The following DYNC2I1 variants were observed in gnomAD, a reference collection of about 807,000 sequenced individuals.
DYNC2I1 encodes dynein 2 intermediate chain 1.
In DYNC2I1, 89 loss-of-function variants were observed where a neutral mutation model predicts 133.4. The observed-to-expected ratio is 0.67, with a 90% confidence interval of 0.56 to 0.80. The LOEUF is 0.80. Among genes scored for constraint, DYNC2I1 ranks in the 30% least tolerant of loss-of-function variants. The probability of loss-of-function intolerance (pLI) is 0.00; values close to 1 mark genes in which losing one functional copy is unlikely to be tolerated. For synonymous variants in DYNC2I1, 504 were observed against 484.3 expected (o/e 1.04, Z -0.54); for missense variants, 1,291 against 1,314.5 (o/e 0.98, Z 0.28).
At chr7:158,946,928 C>T (rs533590088), downstream of DYNC2I1, among the ~76,000 whole-genome samples, 9 of 152,288 alleles carry the variant, frequency 5.9e-5, no homozygotes, top group South Asian at 6.2e-4. Context: ...CCCACCAGAC[C>T]GGCTGTGACG....
chr7:158,937,936 GA>G (rs1009149321), intron 23 of DYNC2I1, among the ~76,000 whole-genome samples: 15 of 151,290 alleles, frequency 9.9e-5, no homozygotes, highest in African/African-American at 3.6e-4. Flanking sequence ...AATCAGAGGA[GA>G]AAAAAGAACA....
chr7:158,893,000 C>G (rs1268118995), intron 8 of DYNC2I1, among the ~76,000 whole-genome samples: 1 of 151,904 alleles, frequency 6.6e-6, no homozygotes, highest in South Asian at 2.1e-4. Flanking sequence ...CCCTCGCCCC[C>G]ACACATGAAT....
chr7:158,870,116 T>C (rs894095997), intron 2 of DYNC2I1, among the ~76,000 whole-genome samples: 1 of 152,216 alleles, frequency 6.6e-6, no homozygotes, highest in African/African-American at 2.4e-5. Flanking sequence ...CTCGTGGGGC[T>C]CTGCCATGGC....
At chr7:158,847,837 T>A in the DYNC2I1 span, among the ~76,000 whole-genome samples, 1 of 152,072 alleles carries the variant, frequency 6.6e-6, no homozygotes. Context: ...AAGAAGACAG[T>A]CAGTGTGGGG....
chr7:158,856,867 G>A, intron 1 of DYNC2I1, 117 bp downstream of exon 1: 1 of 1,169,954 alleles, frequency 8.5e-7, no homozygotes, highest in Non-Finnish European at 1.1e-6. Flanking sequence ...GGCCGGGCCG[G>A]GGCTTCCCGG....
intron 3 of DYNC2I1, among the ~76,000 whole-genome samples, chr7:158,874,202 CTAAT>C (rs1419316804): frequency 6.6e-6 from 1 of 150,400 alleles, no homozygotes; most frequent in African/African-American, 2.5e-5. Flanking sequence ...TGCACTTGGC[CTAAT>C]TAATTTTTTT....
intron 3 of DYNC2I1, among the ~76,000 whole-genome samples, chr7:158,873,849 C>T (rs1045629948): frequency 2.6e-5 from 4 of 151,864 alleles, no homozygotes; most frequent in Admixed American, 6.6e-5. Context: ...CTCCGCCTCC[C>T]TGGTTCAAGT....
chr7:158,896,875 T>C (rs2129483023), intron 8 of DYNC2I1, among the ~76,000 whole-genome samples: 1 of 152,204 alleles, frequency 6.6e-6, no homozygotes, highest in Non-Finnish European at 1.5e-5. Context: ...AGTTTTTTTT[T>C]TTTTTCTTGT....
At chr7:158,849,624 G>A in the DYNC2I1 span, among the ~76,000 whole-genome samples, 1 of 152,220 alleles carries the variant, frequency 6.6e-6, no homozygotes, top group Non-Finnish European at 1.5e-5. Flanking sequence ...CTCACAGCGA[G>A]GAGGCCCTGG....
Position 158,942,164 on chromosome 7 carries a change from C to A in DYNC2I1, c.3002+16C>A. 6.6e-7 allele frequency: 1 copy of A among 1,505,300 alleles called. No homozygotes were observed. The highest frequency in any genetic ancestry group is 8.9e-7 in the Non-Finnish European group (1 of 1,127,776). The allele number at this position is 1,505,300 out of a possible 1,614,324, so 93.2% of individuals were successfully genotyped here. A position where few individuals can be genotyped will look rare whatever the true frequency, so the allele number is the denominator to read the frequency against. Reference sequence around the variant, plus strand: ...CCCCCAACAGGCAAGTGGGGAAGCTCTGGACCAGCTGCTGGTTGTGGGGGG... The same window carrying A: ...CCCCCAACAGGCAAGTGGGGAAGCTATGGACCAGCTGCTGGTTGTGGGGGG... On this transcript the variant is annotated intron_variant, in intron 24 of 24. Coordinates refer to ENST00000407559, the MANE Select transcript of DYNC2I1 (RefSeq NM_018051.5).
At chr7:158,913,685 A>G (rs1314301568) in intron 13 of DYNC2I1, among the ~76,000 whole-genome samples, 2 of 152,134 alleles carry the variant, frequency 1.3e-5, no homozygotes, top group Non-Finnish European at 2.9e-5. Context: ...TAAGACTTAC[A>G]TGATAATTAA....
intron 10 of DYNC2I1, chr7:158,905,350 C>T (rs768420039): frequency 4.3e-5 from 12 of 282,204 alleles, no homozygotes; most frequent in South Asian, 1.3e-4. Context: ...CATGTTGGCC[C>T]GGCTGGTCTG....
chr7:158,879,037 C>G (rs923716786), intron 4 of DYNC2I1, among the ~76,000 whole-genome samples: 2 of 151,812 alleles, frequency 1.3e-5, no homozygotes, highest in Admixed American at 6.6e-5. Context: ...TGTGGAGAGG[C>G]CAGGAGGGCC....
intron 10 of DYNC2I1, among the ~76,000 whole-genome samples, chr7:158,905,640 T>C (rs528654316): frequency 2.0e-5 from 3 of 152,356 alleles, no homozygotes; most frequent in African/African-American, 7.2e-5. Flanking sequence ...TTGTATGTCC[T>C]TGTTCCACTT....
chr7:158,879,522 C>T, intron 4 of DYNC2I1, among the ~76,000 whole-genome samples, 162 bp from the exon 5 acceptor site: 1 of 152,018 alleles, frequency 6.6e-6, no homozygotes, highest in East Asian at 1.9e-4. Context: ...GGTGTAATGA[C>T]AAGGAAAAAG....
At chr7:158,864,531 T>TG (rs1421890094) in intron 1 of DYNC2I1, among the ~76,000 whole-genome samples, 2 of 152,150 alleles carry the variant, frequency 1.3e-5, no homozygotes, top group African/African-American at 4.8e-5. Context: ...TTAATAGAGA[T>TG]GGGGTTTCGC....
intron 5 of DYNC2I1, among the ~76,000 whole-genome samples, chr7:158,882,582 T>TA (rs1844147357): frequency 6.6e-6 from 1 of 151,716 alleles, no homozygotes; most frequent in African/African-American, 2.4e-5. Context: ...GACCTTGTCT[T>TA]AAAAAAGAGA....
the DYNC2I1 span, among the ~76,000 whole-genome samples, chr7:158,841,192 TATATATATATATATATATATA>T: frequency 3.1e-5 from 3 of 95,544 alleles, no homozygotes; most frequent in African/African-American, 1.7e-4. Context: ...TATATATATA[TATATATATATATATATATATA>T]TATATATATT....
chr7:158,871,082 A>T, intron 2 of DYNC2I1, 60 bp from the exon 3 acceptor site: 1 of 1,535,348 alleles, frequency 6.5e-7, no homozygotes, highest in Non-Finnish European at 8.8e-7. Context: ...TTCAGGTATT[A>T]AAAGTCTAAT....
Sources: gnomAD v4.1 joint callset for allele counts (sites outside exome capture counted in the v4.1 genomes callset) on GRCh38, gnomAD v4.1.1 for gene constraint, MANE v1.5 for transcripts, NCBI Gene and HGNC (gene_info 2026-07-23, HGNC 2026-07-21) for gene names.